The following CFLAR variants were observed in gnomAD, a reference collection of about 807,000 sequenced individuals.
CFLAR encodes CASP8 and FADD-like apoptosis regulator.
A neutral mutation model predicts 51.1 loss-of-function variants in CFLAR; 14 were observed. The ratio of observed to expected loss-of-function variants is 0.27; its 90% confidence interval spans 0.18 to 0.43. CFLAR has a LOEUF of 0.43. Ranked by LOEUF, CFLAR falls within the 20% of genes least tolerant of loss-of-function variation. CFLAR has a pLI of 1.00. For missense variants in CFLAR, 390 were observed against 566.5 expected, an observed-to-expected ratio of 0.69 and a Z score of 3.16; for synonymous variants, 210 against 211.6, an observed-to-expected ratio of 0.99 and a Z score of 0.06.
rs1336734345 is a variant in CFLAR, at chr2:201,149,768, G to A, written c.726G>A (p.Glu242=). ...TTCCTTTCCAGAGCATACCTGAAGA[G>A]AGATACAAGATGAAGAGCAAGCCCC... is the stretch of plus-strand genomic sequence containing the variant. The part of the protein sequence containing the change: ...EAFLPQSIPE[E]RYKMKSKPLG... The change falls in exon 8 of 10, where the codon GAG becomes GAA. Residue 242 remains glutamate, a synonymous_variant. Coordinates refer to ENST00000309955, the MANE Select transcript of CFLAR (RefSeq NM_003879.7). 1.9e-6 allele frequency: 3 copies of A among 1,613,226 alleles called. No homozygotes were observed. Among genetic ancestry groups the A allele is most frequent in the Admixed American group, 3.3e-5 (2 of 60,016 alleles).
At chr2:201,161,900 T>TCACACC (rs1220814840) in intron 9 of CFLAR, among the ~76,000 whole-genome samples, 1 of 150,902 alleles carries the variant, frequency 6.6e-6, no homozygotes, top group Non-Finnish European at 1.5e-5. Flanking sequence ...GCGTCCGCCA[T>TCACACC]CACACCTGGC....
At chr2:201,155,426 G>A (rs747567036) in intron 8 of CFLAR, among the ~76,000 whole-genome samples, 18 of 151,858 alleles carry the variant, frequency 1.2e-4, no homozygotes, top group Non-Finnish European at 2.1e-4. Flanking sequence ...CATCATGCCC[G>A]GCTAATTTTT....
At position 201,167,819 on chromosome 2, in the gene CFLAR, G is replaced by C. The variant is rs918344074; in HGVS notation, c.*3846G>C. 6.6e-6 allele frequency: 1 copy of C among 152,276 alleles called. No homozygotes were observed. Among genetic ancestry groups the C allele is most frequent in the African/African-American group, 2.4e-5 (1 of 41,450 alleles). 9.4% of individuals were successfully genotyped at this position (152,276 alleles called of 1,614,324 possible). On this transcript the variant is annotated 3_prime_UTR_variant, in exon 10 of 10. Transcript: ENST00000309955. ...AGCCTTGTTGGATGAGGGCACGAAG[G>C]AGCAGAATCACTGGAATCACTGTGT...
In CFLAR at chr2:201,124,156, A is replaced by G. The variant is rs1025827922; in HGVS notation, c.-137-5573A>G. Among the ~76,000 whole-genome samples, 1 of 152,136 alleles carries G rather than the reference A, an allele frequency of 6.6e-6. No individual in the cohort carries two copies. The highest frequency in any genetic ancestry group is 1.5e-5 in the Non-Finnish European group (1 of 68,030). ...AGCTGGTCATGCTGCATGCTTTGCT[A>G]CTGATTACAGGGAACAATATGTGCC... On this transcript the variant is annotated intron_variant, in intron 1 of 9. Transcript: ENST00000309955. This position sits in a 1 kb window ranked among gnomAD's most constrained non-coding sequence, Gnocchi z 4.7.
intron 2 of CFLAR, among the ~76,000 whole-genome samples, chr2:201,132,526 T>C (rs2049469040): frequency 1.3e-5 from 2 of 151,842 alleles, no homozygotes; most frequent in East Asian, 3.8e-4. Flanking sequence ...AGAATCCTTG[T>C]GATCCAGATG....
chr2:201,127,240 C>T lies in CFLAR; in HGVS notation c.-137-2489C>T, dbSNP rs117268597. 9.4e-4 allele frequency among the ~76,000 whole-genome samples: 143 copies of T among 152,266 alleles called. 1 individual carries two copies. The East Asian group carries it at 0.019, about 20-fold the overall frequency. ...ATTGGACTTGGATATTCCTTTGCCC[C>T]TTCATCTGAGTAAGGTGAAAGCAAG... is the stretch of plus-strand genomic sequence containing the variant. On this transcript the variant is annotated intron_variant, in intron 1 of 9. Coordinates refer to ENST00000309955, the MANE Select transcript of CFLAR (RefSeq NM_003879.7).
chr2:201,171,690 AAAAAG>A lies in CFLAR; in HGVS notation c.*7719_*7723del, dbSNP rs1207634580. On this transcript the variant is annotated 3_prime_UTR_variant, in exon 10 of 10. Transcript: ENST00000309955. ...ATCTTTAGAGAATACAAAAAAAAAAAAAAAGATTCTTCAATGCATACACAATAAAA... is the reference window on the plus strand; with the variant it reads ...ATCTTTAGAGAATACAAAAAAAAAAAATTCTTCAATGCATACACAATAAAA... 1 of 151,754 alleles carries A rather than the reference AAAAAG, an allele frequency of 6.6e-6. No individual in the cohort carries two copies. Among genetic ancestry groups the A allele is most frequent in the Non-Finnish European group, 1.5e-5 (1 of 67,954 alleles). 9.4% of individuals were successfully genotyped at this position (151,754 alleles called of 1,614,324 possible). A position where few individuals can be genotyped will look rare whatever the true frequency, so the allele number is the denominator to read the frequency against.
In CFLAR at chr2:201,167,680, T is replaced by C. The variant is rs1187648676; in HGVS notation, c.*3707T>C. The C allele has an allele frequency of 6.6e-6, 1 of 152,210 alleles. No individual in the cohort carries two copies. Among genetic ancestry groups the C allele is most frequent in the Non-Finnish European group, 1.5e-5 (1 of 68,048 alleles). The allele number at this position is 152,210 out of a possible 1,614,324, so 9.4% of individuals were successfully genotyped here. A position where few individuals can be genotyped will look rare whatever the true frequency, so the allele number is the denominator to read the frequency against. On this transcript the variant is annotated 3_prime_UTR_variant, in exon 10 of 10. Coordinates refer to ENST00000309955, the MANE Select transcript of CFLAR (RefSeq NM_003879.7). ...ATGAGCTAAAACCCTGTGTTAATTA[T>C]GACAGAAGGAAAGTGTGTGAGAGAG...
rs35731279 is a variant in CFLAR, at chr2:201,164,278, TAAA to T, written c.*318_*320del. 27 of 153,598 alleles carry T rather than the reference TAAA, an allele frequency of 1.8e-4. No homozygotes were observed. The highest frequency in any genetic ancestry group is 3.4e-4 in the South Asian group (2 of 5,920). 9.5% of individuals were successfully genotyped at this position (153,598 alleles called of 1,614,324 possible). On this transcript the variant is annotated 3_prime_UTR_variant, in exon 10 of 10. Transcript: ENST00000309955. ...GCAATATAGCAAGATCCCATCTCTT[TAAA>T]AAAAAAAAAAAAGGACAGGAACTAT... is the stretch of plus-strand genomic sequence containing the variant.
chr2:201,149,688 T>C (rs1940919007), intron 7 of CFLAR, 66 bp from the exon 8 acceptor site: 1 of 1,231,750 alleles, frequency 8.1e-7, no homozygotes, highest in Non-Finnish European at 1.2e-6. Flanking sequence ...AGATGGTATA[T>C]GGGTGGGACC....
In CFLAR at chr2:201,167,839, C is replaced by G. The variant is rs1383562503; in HGVS notation, c.*3866C>G. ...CGAAGGAGCAGAATCACTGGAATCA[C>G]TGTGTCAGCCCTAATTACCTACCTC... On this transcript the variant is annotated 3_prime_UTR_variant, in exon 10 of 10. Transcript: ENST00000309955. 1 of 152,258 alleles carries G rather than the reference C, an allele frequency of 6.6e-6. No homozygotes were observed. The highest frequency in any genetic ancestry group is 2.4e-5 in the African/African-American group (1 of 41,460). 9.4% of individuals were successfully genotyped at this position (152,258 alleles called of 1,614,324 possible).
At chr2:201,129,498 T>C in intron 1 of CFLAR, 1 of 382,326 alleles carries the variant, frequency 2.6e-6, no homozygotes, top group Non-Finnish European at 4.6e-6. Context: ...TGAGTTCATC[T>C]GTTGTTTCAT....
rs1385773499 is a variant in CFLAR at position 201,172,505 on chromosome 2, C to T, written c.*8532C>T. The T allele has an allele frequency of 6.6e-6, 1 of 152,100 alleles. No homozygotes were observed. The highest frequency in any genetic ancestry group is 2.4e-5 in the African/African-American group (1 of 41,390). The allele number at this position is 152,100 out of a possible 1,614,324, so 9.4% of individuals were successfully genotyped here. The stretch of plus-strand genomic sequence containing the variant: ...ATTTACAGAGTTGTGCAATCATCAC[C>T]ACTATCTAATTCCAGAACATTTCCA... On this transcript the variant is annotated 3_prime_UTR_variant, in exon 10 of 10. Transcript: ENST00000309955.
chr2:201,160,498 A>C lies in CFLAR; in HGVS notation c.860A>C (p.His287Pro). 6.2e-7 allele frequency: 1 copy of C among 1,613,772 alleles called. No individual in the cohort carries two copies. The highest frequency in any genetic ancestry group is 8.5e-7 in the Non-Finnish European group (1 of 1,179,976). The change falls in exon 9 of 10, where the codon CAT becomes CCT. Residue 287 changes from histidine (H) to proline (P), a missense_variant. Coordinates refer to ENST00000309955, the MANE Select transcript of CFLAR (RefSeq NM_003879.7). ...EVQKFLHLSM[H>P]GISQILGQFA... ...CAGAAATTCTTGCATCTCAGTATGC[A>C]TGGTATATCCCAGATTCTTGGCCAA... is the stretch of plus-strand genomic sequence containing the variant.
chr2:201,173,743 C>G lies in CFLAR; in HGVS notation c.*9770C>G, dbSNP rs1259439314. On this transcript the variant is annotated 3_prime_UTR_variant, in exon 10 of 10. Coordinates refer to ENST00000309955, the MANE Select transcript of CFLAR (RefSeq NM_003879.7). Reference sequence around the variant, plus strand: ...TTGGAGTGCAGTGGTGCAATCTCGGCTCACTGCAACCTCCACCTCCTGAGT... The same window carrying G: ...TTGGAGTGCAGTGGTGCAATCTCGGGTCACTGCAACCTCCACCTCCTGAGT... The G allele has an allele frequency of 1.3e-5, 2 of 152,074 alleles. No individual in the cohort carries two copies. Among genetic ancestry groups the G allele is most frequent in the Non-Finnish European group, 2.9e-5 (2 of 68,064 alleles). 9.4% of individuals were successfully genotyped at this position (152,074 alleles called of 1,614,324 possible). A position where few individuals can be genotyped will look rare whatever the true frequency, so the allele number is the denominator to read the frequency against.
intron 3 of CFLAR, 88 bp downstream of exon 3, chr2:201,133,222 GT>G: frequency 1.1e-6 from 1 of 919,260 alleles, no homozygotes. Flanking sequence ...GAAGCAGGCA[GT>G]CTGCCGCCAC....
chr2:201,127,523 T>A (rs947889883), intron 1 of CFLAR, among the ~76,000 whole-genome samples: 3 of 152,150 alleles, frequency 2.0e-5, no homozygotes, highest in African/African-American at 7.2e-5. Flanking sequence ...GCTTCCCTAG[T>A]CTAAGAGTAA....
At chr2:201,159,965 G>A (rs1253989304) in intron 8 of CFLAR, among the ~76,000 whole-genome samples, 3 of 152,112 alleles carry the variant, frequency 2.0e-5, no homozygotes, top group Non-Finnish European at 4.4e-5. Context: ...TGACTGAGAA[G>A]TTGGTGCTAG....
chr2:201,155,571 A>G (rs1942031925), intron 8 of CFLAR, among the ~76,000 whole-genome samples: 1 of 151,962 alleles, frequency 6.6e-6, no homozygotes, highest in South Asian at 2.1e-4. Context: ...GCCAAGAGGA[A>G]GTATTTTTTT....
Sources: gnomAD v4.1 joint callset for allele counts (sites outside exome capture counted in the v4.1 genomes callset) on GRCh38, gnomAD v4.1.1 for gene constraint, Gnocchi (gnomAD v3.1) non-coding constraint, MANE v1.5 for transcripts, NCBI Gene and HGNC (gene_info 2026-07-23, HGNC 2026-07-21) for gene names.